The following STK32B variants were observed in gnomAD, a reference collection of about 807,000 sequenced individuals.
The protein encoded by STK32B is serine/threonine kinase 32B.
Under a neutral mutation model 52.6 loss-of-function variants are expected in STK32B, and 43 were observed. The ratio of observed to expected loss-of-function variants is 0.82; its 90% CI spans 0.64 to 1.05. The LOEUF (loss-of-function observed/expected upper bound fraction) is 1.05. Among genes scored for constraint, STK32B ranks in the 50% least tolerant of loss-of-function variants. The pLI is 0.00. For missense variants in STK32B, 621 were observed against 534.6 expected (o/e 1.16, Z -1.59); for synonymous variants, 238 against 204.3 (o/e 1.17, Z -1.41).
In STK32B at chr4:5,168,285, T is replaced by A. The variant is rs1379062698; in HGVS notation, c.109-14T>A. 1 of 1,605,118 alleles carries A rather than the reference T, an allele frequency of 6.2e-7. No homozygotes were observed. The highest frequency in any genetic ancestry group is 2.2e-5 in the East Asian group (1 of 44,666). On this transcript the variant is annotated splice_polypyrimidine_tract_variant and intron_variant, in intron 2 of 11. Coordinates refer to ENST00000282908, the MANE Select transcript of STK32B (RefSeq NM_018401.3). ...TTGTTGGCCTGACTGTTCTCTCCTT[T>A]GGCTGTCGCTCAGGTATGCATCGTG...
intron 3 of STK32B, among the ~76,000 whole-genome samples, chr4:5,279,886 A>C (rs1405554314): frequency 6.6e-6 from 1 of 152,208 alleles, no homozygotes; most frequent in Non-Finnish European, 1.5e-5. Flanking sequence ...CCCAGAATAC[A>C]GGGTGCCATG....
chr4:5,216,932 G>A (rs1227408540), intron 3 of STK32B, among the ~76,000 whole-genome samples: 1 of 152,190 alleles, frequency 6.6e-6, no homozygotes, highest in Non-Finnish European at 1.5e-5. Context: ...TTTGCCTTGT[G>A]TATAGTGAGT....
intron 3 of STK32B, among the ~76,000 whole-genome samples, chr4:5,215,015 C>G (rs1024932645): frequency 1.3e-5 from 2 of 152,074 alleles, no homozygotes; most frequent in Non-Finnish European, 2.9e-5. Context: ...TTTAAAAAAC[C>G]GCACAAAGAC....
At chr4:5,180,907 C>T (rs1433310548) in intron 3 of STK32B, among the ~76,000 whole-genome samples, 1 of 152,170 alleles carries the variant, frequency 6.6e-6, no homozygotes, top group African/African-American at 2.4e-5. Flanking sequence ...AATATTTTCA[C>T]TTGTTGTATT....
intron 3 of STK32B, among the ~76,000 whole-genome samples, chr4:5,188,424 C>G (rs2108761199): frequency 6.6e-6 from 1 of 152,272 alleles, no homozygotes; most frequent in Admixed American, 6.5e-5. Flanking sequence ...CATGGTTTCC[C>G]TGACGTCAGG....
chr4:5,363,511 G>A (rs751636216), intron 4 of STK32B, among the ~76,000 whole-genome samples: 2 of 152,148 alleles, frequency 1.3e-5, no homozygotes, highest in African/African-American at 2.4e-5. Flanking sequence ...CAGACTTGGT[G>A]CCAGGTTCAT....
chr4:5,357,338 C>T (rs575541804), intron 4 of STK32B, among the ~76,000 whole-genome samples: 3 of 133,626 alleles, frequency 2.2e-5, no homozygotes, highest in Non-Finnish European at 4.6e-5. Flanking sequence ...ACTGTGAGTA[C>T]GCTTTGAGCA....
At chr4:5,076,207 G>A (rs755528399) in intron 1 of STK32B, among the ~76,000 whole-genome samples, 1 of 152,098 alleles carries the variant, frequency 6.6e-6, no homozygotes, top group Non-Finnish European at 1.5e-5. Context: ...AAGAGTCGAT[G>A]GCATCCATGT....
At chr4:5,184,473 A>T (rs546859726) in intron 3 of STK32B, among the ~76,000 whole-genome samples, 1 of 152,270 alleles carries the variant, frequency 6.6e-6, no homozygotes, top group African/African-American at 2.4e-5. Context: ...GGATCCCTTG[A>T]GGTCAGGAGT....
chr4:5,216,171 C>G (rs899038159), intron 3 of STK32B, among the ~76,000 whole-genome samples: 4 of 152,122 alleles, frequency 2.6e-5, no homozygotes, highest in African/African-American at 9.7e-5. Context: ...CCTCAGAGTT[C>G]CTGATTTAGT....
intron 11 of STK32B, among the ~76,000 whole-genome samples, chr4:5,496,551 G>GCTTCTGCTCGCGCACGGTGCGCTA (rs1301550163): frequency 6.8e-6 from 1 of 148,008 alleles, no homozygotes; most frequent in African/African-American, 2.7e-5. Flanking sequence ...GCCTTGCCCT[G>GCTTCTGCTCGCGCACGGTGCGCTA]CACCCACTGT....
intron 3 of STK32B, among the ~76,000 whole-genome samples, chr4:5,213,103 G>C (rs753231574): frequency 1.3e-5 from 2 of 152,086 alleles, no homozygotes; most frequent in Non-Finnish European, 2.9e-5. Context: ...CTGTTTTCAG[G>C]ACACTTTTAA....
chr4:5,292,589 TTGTC>T (rs538706305), intron 3 of STK32B, among the ~76,000 whole-genome samples: 61 of 152,148 alleles, frequency 4.0e-4, no homozygotes, highest in South Asian at 1.9e-3. Flanking sequence ...ATTTTGTACA[TTGTC>T]TGTTTAATAT....
chr4:5,358,724 G>C (rs80148702), intron 4 of STK32B, among the ~76,000 whole-genome samples: 2 of 144,404 alleles, frequency 1.4e-5, no homozygotes, highest in Admixed American at 7.5e-5. Context: ...CACACACACA[G>C]GCACACAAAG....
At chr4:5,299,834 G>T (rs1218868864) in intron 3 of STK32B, among the ~76,000 whole-genome samples, 1 of 152,070 alleles carries the variant, frequency 6.6e-6, no homozygotes, top group Non-Finnish European at 1.5e-5. Flanking sequence ...TGGACCAGAT[G>T]GATTAACAGC....
At chr4:5,264,212 T>G (rs1245015920) in intron 3 of STK32B, among the ~76,000 whole-genome samples, 1 of 152,190 alleles carries the variant, frequency 6.6e-6, no homozygotes, top group Non-Finnish European at 1.5e-5. Flanking sequence ...AGTAAGCATA[T>G]TTGTAGCTTT....
intron 3 of STK32B, among the ~76,000 whole-genome samples, chr4:5,198,467 A>G (rs1157734456): frequency 6.6e-6 from 1 of 152,158 alleles, no homozygotes; most frequent in Non-Finnish European, 1.5e-5. Context: ...ATTAATGGTC[A>G]TTTGTTCAAC....
In STK32B at chr4:5,210,607, A is replaced by T. The variant is rs571953389; in HGVS notation, c.260+42157A>T. Among the ~76,000 whole-genome samples the T allele has an allele frequency of 3.3e-5, 5 of 152,216 alleles. No individual in the cohort carries two copies. The South Asian group carries it at 8.3e-4, about 25-fold the overall frequency. ...ATTCCCTTACTAGACTTCAAATTCC[A>T]TGAAGGCAGGGACCAGGTGTGAAGT... On this transcript the variant is annotated intron_variant, in intron 3 of 11. Transcript: ENST00000282908.
intron 1 of STK32B, among the ~76,000 whole-genome samples, chr4:5,099,708 G>A (rs1713619299): frequency 6.6e-6 from 1 of 152,180 alleles, no homozygotes; most frequent in African/African-American, 2.4e-5. Context: ...CAGAAGTACA[G>A]TTCCTACCAA....
Sources: allele counts gnomAD v4.1 joint callset (sites outside exome capture counted in the v4.1 genomes callset), GRCh38; gene constraint gnomAD v4.1.1; transcripts MANE v1.5; gene names NCBI Gene and HGNC (gene_info 2026-07-23, HGNC 2026-07-21).